HIF3A: variants seen among roughly 807,000 people sequenced by gnomAD.
HIF3A encodes hypoxia-inducible factor 3-alpha.
HIF3A carries 41 observed loss-of-function variants against 67.2 expected under a neutral mutation model. The observed-to-expected ratio is 0.61, with a 90% CI of 0.48 to 0.79. The LOEUF is 0.79. Among genes scored for constraint, HIF3A ranks in the 30% least tolerant of loss-of-function variants. The pLI, the probability that HIF3A is intolerant of heterozygous loss-of-function variation, is 0.00. For missense variants in HIF3A, 855 were observed against 898.0 expected (o/e 0.95, Z 0.61); for synonymous variants, 356 against 374.8 (o/e 0.95, Z 0.58).
At chr19:46,317,148 T>C (rs955052289) in intron 8 of HIF3A, among the ~76,000 whole-genome samples, 1 of 152,048 alleles carries the variant, frequency 6.6e-6, no homozygotes, top group Admixed American at 6.6e-5. Flanking sequence ...CTTAAACTCC[T>C]GAGTTCAAGC....
chr19:46,311,421 T>C (rs535895929), intron 6 of HIF3A, among the ~76,000 whole-genome samples: 41 of 152,278 alleles, frequency 2.7e-4, no homozygotes, highest in South Asian at 2.7e-3. Flanking sequence ...TGAGACCTCA[T>C]CTTAAAGAAA....
intron 11 of HIF3A, among the ~76,000 whole-genome samples, chr19:46,328,709 C>CT (rs1237774439): frequency 2.7e-5 from 4 of 149,564 alleles, no homozygotes; most frequent in Non-Finnish European, 5.9e-5. Flanking sequence ...CCAATGGTTT[C>CT]TTTGAGGCAT....
chr19:46,304,655 C>T (rs1645253145), intron 2 of HIF3A, among the ~76,000 whole-genome samples: 1 of 152,150 alleles, frequency 6.6e-6, no homozygotes, highest in African/African-American at 2.4e-5. Context: ...CACATACACT[C>T]ACACATAAAC....
At chr19:46,333,788 C>CTTTTTTTTTTTTTTTTTTTTT (rs1165101162) in intron 13 of HIF3A, among the ~76,000 whole-genome samples, 4 of 103,566 alleles carry the variant, frequency 3.9e-5, no homozygotes, top group African/African-American at 1.2e-4. Context: ...TTCTTTCTTT[C>CTTTTTTTTTTTTTTTTTTTTT]TTTTTTTTTT....
At chr19:46,332,753 G>A (rs1971326385) in intron 13 of HIF3A, among the ~76,000 whole-genome samples, 1 of 152,154 alleles carries the variant, frequency 6.6e-6, no homozygotes, top group Non-Finnish European at 1.5e-5. Flanking sequence ...GGAGGATGAG[G>A]CGGGATAATC....
chr19:46,337,517 C>T (rs1452037865), intron 14 of HIF3A, among the ~76,000 whole-genome samples: 1 of 152,160 alleles, frequency 6.6e-6, no homozygotes, highest in Non-Finnish European at 1.5e-5. Flanking sequence ...GATCCTCCTG[C>T]CTCAGCCTTC....
At chr19:46,330,005 AGAGGAAGGAAGG>A (rs1971079627) in intron 12 of HIF3A, among the ~76,000 whole-genome samples, 1 of 133,902 alleles carries the variant, frequency 7.5e-6, no homozygotes, top group Admixed American at 7.7e-5. Context: ...GAGTGAAGAG[AGAGGAAGGAAGG>A]GAGGAAGGAA....
chr19:46,319,288 C>T (rs530753203), intron 8 of HIF3A, among the ~76,000 whole-genome samples: 2 of 152,138 alleles, frequency 1.3e-5, no homozygotes, highest in East Asian at 3.9e-4. Context: ...TGTTTCCAGC[C>T]CAGGGAGGGT....
chr19:46,315,740 A>C (rs1969864370), intron 8 of HIF3A, among the ~76,000 whole-genome samples: 1 of 150,584 alleles, frequency 6.6e-6, no homozygotes, highest in South Asian at 2.1e-4. Flanking sequence ...ATGGCGAAAC[A>C]CCGTCTCCAC....
Position 46,341,872 on chromosome 19 carries a change from G to C in HIF3A, c.*2250G>C, listed in dbSNP as rs1052389482. 23 of 151,936 alleles carry C rather than the reference G, an allele frequency of 1.5e-4. No homozygotes were observed. The highest frequency in any genetic ancestry group is 5.6e-4 in the African/African-American group (23 of 41,420). 9.4% of individuals were successfully genotyped at this position (151,936 alleles called of 1,614,324 possible). A position where few individuals can be genotyped will look rare whatever the true frequency, so the allele number is the denominator to read the frequency against. On this transcript the variant is annotated 3_prime_UTR_variant, in exon 15 of 15. Transcript: ENST00000377670. The stretch of plus-strand genomic sequence containing the variant: ...TTGGAGGGGCTGGTCTTGAACTCTT[G>C]ACCTCAGATGATCCACCCGCCTCAG...
chr19:46,335,946 C>T (rs375239775), intron 14 of HIF3A, among the ~76,000 whole-genome samples: 4 of 150,886 alleles, frequency 2.7e-5, no homozygotes, highest in South Asian at 4.2e-4. Context: ...GAGGCTGAGA[C>T]GGGAGGATTG....
intron 1 of HIF3A, among the ~76,000 whole-genome samples, chr19:46,302,067 ACAT>A (rs1793138585): frequency 6.6e-6 from 1 of 152,058 alleles, no homozygotes; most frequent in South Asian, 2.1e-4. Flanking sequence ...TAGATGTAAC[ACAT>A]CATATAATAA....
rs895610579 is a variant in HIF3A, at chr19:46,343,188, C to T, written c.*3566C>T. On this transcript the variant is annotated 3_prime_UTR_variant, in exon 15 of 15. Transcript: ENST00000377670. ...TCTCCCACAGGAAAAGGCCTCCCCCCTTCTTAGCCCCATTTACCCCGTTTG... is the reference window on the plus strand; with the variant it reads ...TCTCCCACAGGAAAAGGCCTCCCCCTTTCTTAGCCCCATTTACCCCGTTTG... 16 of 153,054 alleles carry T rather than the reference C, an allele frequency of 1.0e-4. No individual in the cohort carries two copies. The highest frequency in any genetic ancestry group is 3.6e-4 in the African/African-American group (15 of 41,584). 9.5% of individuals were successfully genotyped at this position (153,054 alleles called of 1,614,324 possible). A position where few individuals can be genotyped will look rare whatever the true frequency, so the allele number is the denominator to read the frequency against.
intron 8 of HIF3A, among the ~76,000 whole-genome samples, chr19:46,316,850 G>T (rs1235853729): frequency 1.3e-5 from 2 of 151,980 alleles, no homozygotes; most frequent in South Asian, 2.1e-4. Context: ...TTTGAAGAAG[G>T]TTATCTTATA....
At chr19:46,302,873 CAAAAGAAAAGAAAG>C (rs1968465295) in intron 1 of HIF3A, among the ~76,000 whole-genome samples, 1 of 152,006 alleles carries the variant, frequency 6.6e-6, no homozygotes, top group Non-Finnish European at 1.5e-5. Flanking sequence ...CAGCCTGTCT[CAAAAGAAAAGAAAG>C]AAAAGAAAAG....
intron 1 of HIF3A, among the ~76,000 whole-genome samples, chr19:46,302,712 A>G (rs920331154): frequency 1.3e-5 from 2 of 152,104 alleles, no homozygotes; most frequent in African/African-American, 4.8e-5. Context: ...TGTCTCTACA[A>G]AAAATACAAA....
At chr19:46,323,145 G>A (rs1325524608) in intron 10 of HIF3A, among the ~76,000 whole-genome samples, 1 of 151,712 alleles carries the variant, frequency 6.6e-6, no homozygotes, top group Non-Finnish European at 1.5e-5. Flanking sequence ...GCGCCTCCTG[G>A]ATTCAAGCAA....
chr19:46,321,929 C>T lies in HIF3A; in HGVS notation c.1298C>T (p.Thr433Ile), dbSNP rs762474725. Reference protein sequence around the residue: ...DGASVAATPSTPLATRHPQSP... With the variant: ...DGASVAATPSIPLATRHPQSP... ...GCTTCAGTAGCAGCCACTCCCAGCA[C>T]CCCGCTGGCCACACGGCACCCCCAA... Residue 433 changes from threonine to isoleucine, a missense_variant, in exon 10 of 15, where the codon ACC (threonine) becomes ATC (isoleucine). Thr to Ile is a moderately conservative substitution (Grantham distance 89). Coordinates refer to ENST00000377670, the MANE Select transcript of HIF3A (RefSeq NM_152795.4). 3 of 1,614,058 alleles carry T rather than the reference C, an allele frequency of 1.9e-6. No individual in the cohort carries two copies. The highest frequency in any genetic ancestry group is 2.5e-6 in the Non-Finnish European group (3 of 1,180,030).
intron 13 of HIF3A, among the ~76,000 whole-genome samples, chr19:46,332,271 C>T (rs1022246901): frequency 2.6e-5 from 4 of 152,038 alleles, no homozygotes; most frequent in African/African-American, 4.8e-5. Context: ...CTGTGGCTCA[C>T]GCCTATATTC....
Sources: gnomAD v4.1 joint callset for allele counts (sites outside exome capture counted in the v4.1 genomes callset) on GRCh38, gnomAD v4.1.1 for gene constraint, MANE v1.5 for transcripts, NCBI Gene and HGNC (gene_info 2026-07-23, HGNC 2026-07-21) for gene names.